Variants in MYO18B observed in about 807,000 individuals in gnomAD.
The protein encoded by MYO18B is unconventional myosin-XVIIIb.
In MYO18B, 204 loss-of-function variants were observed where a neutral mutation model predicts 273.0. The observed-to-expected ratio is 0.75, with a 90% CI of 0.67 to 0.84. MYO18B has a LOEUF of 0.84. Ranked by LOEUF, MYO18B falls within the 40% of genes least tolerant of loss-of-function variation. The pLI is 0.00. For synonymous variants in MYO18B, 1,330 were observed against 1,305.7 expected (o/e 1.02, Z -0.40); for missense variants, 3,212 against 3,287.6 (o/e 0.98, Z 0.56).
chr22:25,770,765 T>C, intron 5 of MYO18B, 107 bp from the exon 6 acceptor site: 1 of 763,340 alleles, frequency 1.3e-6, no homozygotes, highest in South Asian at 1.7e-5. Context: ...TCTCCCAAGC[T>C]TGCTGGCCCG....
rs957923399 is a variant in MYO18B, at chr22:25,952,315, C to T, written c.5862C>T (p.Tyr1954=). ...AGGTGGCTCAGATGCGCATCGAGTACCTGGAACAGTCCACCGTGGATCGAG... is the reference window on the plus strand; with the variant it reads ...AGGTGGCTCAGATGCGCATCGAGTATCTGGAACAGTCCACCGTGGATCGAG... The part of the protein sequence containing the change: ...QLQVAQMRIE[Y]LEQSTVDRAI... The change falls in exon 38 of 44, where the codon TAC becomes TAT. Residue 1954 remains tyrosine (Y), a synonymous_variant. Coordinates refer to ENST00000335473, the MANE Select transcript of MYO18B (RefSeq NM_032608.7). 1 of 1,611,270 alleles carries T rather than the reference C, an allele frequency of 6.2e-7. No homozygotes were observed. Among genetic ancestry groups the T allele is most frequent in the Non-Finnish European group, 8.5e-7 (1 of 1,178,882 alleles).
chr22:25,985,628 T>A (rs920172141), intron 39 of MYO18B, among the ~76,000 whole-genome samples: 4 of 150,830 alleles, frequency 2.7e-5, no homozygotes, highest in Admixed American at 6.6e-5. Context: ...CAGGGCGTTT[T>A]TTATTTTTAT....
intron 37 of MYO18B, 112 bp from the exon 38 acceptor site, chr22:25,952,174 G>A (rs2092799949): frequency 8.4e-7 from 1 of 1,192,826 alleles, no homozygotes; most frequent in Non-Finnish European, 1.2e-6. Context: ...CCTGAGTAGA[G>A]AAGGAGGTGG....
At chr22:25,926,409 C>T (rs183973018) in intron 34 of MYO18B, among the ~76,000 whole-genome samples, 321 of 151,816 alleles carry the variant, frequency 2.1e-3, no homozygotes, top group African/African-American at 7.1e-3. Context: ...CTCAGCCTTC[C>T]GAGTAGCTGG....
chr22:25,989,164 T>C (rs1359815015), intron 39 of MYO18B, among the ~76,000 whole-genome samples: 2 of 152,140 alleles, frequency 1.3e-5, no homozygotes, highest in East Asian at 3.9e-4. Flanking sequence ...GGAGGGGATG[T>C]CTGTACCCTT....
intron 12 of MYO18B, among the ~76,000 whole-genome samples, chr22:25,798,614 T>C (rs1306880241): frequency 6.6e-6 from 1 of 152,062 alleles, no homozygotes; most frequent in African/African-American, 2.4e-5. Context: ...TTCAGGGCAG[T>C]AGTGGTGCGA....
chr22:26,004,439 G>A (rs867953777), intron 41 of MYO18B, among the ~76,000 whole-genome samples: 9 of 152,160 alleles, frequency 5.9e-5, no homozygotes, highest in African/African-American at 1.9e-4. Flanking sequence ...ATGATTAATA[G>A]CATGGGCATT....
At chr22:25,890,900 G>T (rs1278582029) in intron 26 of MYO18B, 25 bp downstream of exon 26, 1 of 1,586,632 alleles carries the variant, frequency 6.3e-7, no homozygotes, top group Non-Finnish European at 8.6e-7. Context: ...GTGGCCAGGG[G>T]TGGCTGAACA....
At position 25,771,003 on chromosome 22, in the gene MYO18B, C is replaced by A; in HGVS notation, c.1692+19C>A. ...CCATCGGGTGAGTCCCCTGTCCCGC[C>A]GTCCCCCAGCATGAGTCCCCTGTCC... On this transcript the variant is annotated intron_variant, in intron 6 of 43. Transcript: ENST00000335473. The A allele has an allele frequency of 6.6e-7, 1 of 1,515,712 alleles. No individual in the cohort carries two copies. The highest frequency in any genetic ancestry group is 1.2e-5 in the South Asian group (1 of 83,242). The allele number at this position is 1,515,712 out of a possible 1,614,324, so 93.9% of individuals were successfully genotyped here.
Position 25,846,185 on chromosome 22 carries a change from C to G in MYO18B, c.3454C>G (p.Gln1152Glu), listed in dbSNP as rs1189391131. The change falls in exon 19 of 44, where the codon CAG becomes GAG. Residue 1152 changes from glutamine (Q) to glutamate (E), a missense_variant. Physicochemically the swap from Gln to Glu is conservative, Grantham distance 29. Transcript: ENST00000335473. Reference sequence around the variant, plus strand: ...GGCAGGCCTGGAGGGCACCTCCCAGCAGGCCCTGCAGAGGAGCCGCATGGT... The same window carrying G: ...GGCAGGCCTGGAGGGCACCTCCCAGGAGGCCCTGCAGAGGAGCCGCATGGT... ...AVAGLEGTSQ[Q>E]ALQRSRMVRR... 1.9e-6 allele frequency: 3 copies of G among 1,611,810 alleles called. No homozygotes were observed. The highest frequency in any genetic ancestry group is 2.7e-5 in the African/African-American group (2 of 74,910).
At chr22:25,914,390 G>A (rs1028728543) in intron 33 of MYO18B, among the ~76,000 whole-genome samples, 1 of 151,912 alleles carries the variant, frequency 6.6e-6, no homozygotes, top group African/African-American at 2.4e-5. Context: ...CCATTTATTT[G>A]TGGCTTTCAG....
chr22:25,855,030 T>G (rs1205215722), intron 21 of MYO18B, among the ~76,000 whole-genome samples: 3 of 152,138 alleles, frequency 2.0e-5, no homozygotes, highest in Non-Finnish European at 2.9e-5. Context: ...TACAGATCAT[T>G]TCATCACCCA....
In MYO18B at chr22:26,020,787, G is replaced by C. The variant is rs573741740; in HGVS notation, c.6471-5658G>C. Among the ~76,000 whole-genome samples the C allele has an allele frequency of 2.6e-5, 4 of 152,190 alleles. No individual in the cohort carries two copies. The South Asian group carries it at 8.3e-4, about 32-fold the overall frequency. On this transcript the variant is annotated intron_variant, in intron 42 of 43. Coordinates refer to ENST00000335473, the MANE Select transcript of MYO18B (RefSeq NM_032608.7). ...CACTCTTACACCTGTGCAAGTTCAG[G>C]CTTCAAAAGATAACTGGGGGCCCGG...
At position 25,942,613 on chromosome 22, in the gene MYO18B, A is replaced by C. The variant is rs868745120; in HGVS notation, c.5518-3524A>C. 2.0e-5 allele frequency among the ~76,000 whole-genome samples: 3 copies of C among 152,284 alleles called. No homozygotes were observed. In the South Asian group the frequency reaches 6.2e-4, roughly 32 times the overall value. The stretch of plus-strand genomic sequence containing the variant: ...CCAGCTCTGTGATGGTGAACAAGTC[A>C]CTTCCCCTCTGTGTGTCTCAGAGTC... On this transcript the variant is annotated intron_variant, in intron 34 of 43. Coordinates refer to ENST00000335473, the MANE Select transcript of MYO18B (RefSeq NM_032608.7).
chr22:25,904,153 T>A (rs1164948015), intron 31 of MYO18B, among the ~76,000 whole-genome samples: 1 of 152,234 alleles, frequency 6.6e-6, no homozygotes, highest in Non-Finnish European at 1.5e-5. Context: ...TAGATAGTAT[T>A]TTTTAAAAGT....
At chr22:25,925,523 T>C (rs1248071324) in intron 34 of MYO18B, among the ~76,000 whole-genome samples, 1 of 152,166 alleles carries the variant, frequency 6.6e-6, no homozygotes, top group African/African-American at 2.4e-5. Flanking sequence ...CCGACCTCTC[T>C]GAGCCCTTTT....
rs771063098 is a variant in MYO18B at position 26,027,519 on chromosome 22, C to T, written c.7545C>T (p.Ile2515=). 1.2e-5 allele frequency: 20 copies of T among 1,613,966 alleles called. No individual in the cohort carries two copies. Among genetic ancestry groups the T allele is most frequent in the South Asian group, 6.6e-5 (6 of 91,072 alleles). Residue 2515 remains isoleucine, a synonymous_variant, in exon 43 of 44, where the codon ATC becomes ATT. Transcript: ENST00000335473. This position sits in a 1 kb window ranked among gnomAD's most constrained non-coding sequence, Gnocchi z 4.1. ...LSDSSSSSGS[I]VSFKSADSIK... ...ACTCGTCCTCATCCTCCGGCTCCAT[C>T]GTGTCCTTCAAAAGTGCTGACAGCA...
chr22:25,989,133 A>G (rs974667808), intron 39 of MYO18B, among the ~76,000 whole-genome samples: 1 of 152,164 alleles, frequency 6.6e-6, no homozygotes, highest in African/African-American at 2.4e-5. Flanking sequence ...GACATGGGCA[A>G]GGTTCACCTA....
At position 25,902,715 on chromosome 22, in the gene MYO18B, CCAGCTTCAGCAG is replaced by C. The variant is rs759754033; in HGVS notation, c.4932_4943del (p.Gln1645_Leu1648del). The C allele has an allele frequency of 6.3e-7, 1 of 1,586,428 alleles. No homozygotes were observed. Among genetic ancestry groups the C allele is most frequent in the Admixed American group, 1.8e-5 (1 of 56,212 alleles). Reference sequence around the variant, plus strand: ...ACACCAGTGTCCGGTGGGAGCTAGGCCAGCTTCAGCAGCAGCTGAAGGTAAGGGATGGGGGAC... The same window carrying C: ...ACACCAGTGTCCGGTGGGAGCTAGGCCAGCTGAAGGTAAGGGATGGGGGAC... On this transcript the variant is annotated inframe_deletion, in exon 30 of 44. Transcript: ENST00000335473.
Sources: gnomAD v4.1 joint callset for allele counts (sites outside exome capture counted in the v4.1 genomes callset) on GRCh38, gnomAD v4.1.1 for gene constraint, Gnocchi (gnomAD v3.1) non-coding constraint, MANE v1.5 for transcripts, NCBI Gene and HGNC (gene_info 2026-07-23, HGNC 2026-07-21) for gene names.